The following TTPA variants were observed in gnomAD, a reference collection of about 807,000 sequenced individuals.
The protein encoded by TTPA is alpha tocopherol transfer protein.
In TTPA, 23 loss-of-function variants were observed where a neutral mutation model predicts 25.9. That is an observed-to-expected ratio of 0.89 (90% CI 0.64 to 1.26). TTPA has a LOEUF of 1.26. Among genes scored for constraint, TTPA ranks in the 50% most tolerant of loss-of-function variants. The pLI, the probability that TTPA is intolerant of heterozygous loss-of-function variation, is 0.00. For synonymous variants in TTPA, 148 were observed against 137.3 expected, an observed-to-expected ratio of 1.08 and a Z score of -0.54; for missense variants, 337 against 353.1, an observed-to-expected ratio of 0.95 and a Z score of 0.37.
intron 2 of TTPA, among the ~76,000 whole-genome samples, chr8:63,068,491 T>C (rs1443992759): frequency 6.6e-6 from 1 of 152,160 alleles, no homozygotes; most frequent in Non-Finnish European, 1.5e-5. Context: ...AGAAAGTCAA[T>C]AATGGTTGGT....
chr8:63,062,597 T>C (rs1453503208), intron 4 of TTPA, among the ~76,000 whole-genome samples: 1 of 152,160 alleles, frequency 6.6e-6, no homozygotes, highest in Non-Finnish European at 1.5e-5. Flanking sequence ...AGAAAATGTA[T>C]GGGGCATTGC....
intron 1 of TTPA, among the ~76,000 whole-genome samples, chr8:63,083,378 T>C (rs1805694629): frequency 6.6e-6 from 1 of 151,982 alleles, no homozygotes; most frequent in African/African-American, 2.4e-5. Context: ...TCAGCAACTA[T>C]CACAAAGACA....
chr8:63,058,667 C>T (rs1045608513), downstream of TTPA, among the ~76,000 whole-genome samples: 1 of 152,074 alleles, frequency 6.6e-6, no homozygotes, highest in African/African-American at 2.4e-5. Flanking sequence ...ATAAAATATG[C>T]CTAGATTAAC....
chr8:63,062,571 A>T (rs1805325474), intron 4 of TTPA, among the ~76,000 whole-genome samples: 1 of 152,210 alleles, frequency 6.6e-6, no homozygotes, highest in Non-Finnish European at 1.5e-5. Context: ...CTATCTCCTC[A>T]GGAAGGGGCA....
chr8:63,085,792 C>A, intron 1 of TTPA, 26 bp downstream of exon 1: 1 of 1,531,386 alleles, frequency 6.5e-7, no homozygotes. Flanking sequence ...TGCGCACTGC[C>A]GAGCGCCCTG....
At position 63,072,941 on chromosome 8, in the gene TTPA, T is replaced by C. The variant is rs751549880; in HGVS notation, c.352A>G (p.Arg118Gly). Residue 118 changes from arginine to glycine, a missense_variant, in exon 2 of 5, where the codon AGA becomes GGA. Arg to Gly is a moderately radical substitution (Grantham distance 125, BLOSUM62 -2). Transcript: ENST00000260116. Reference sequence around the variant, plus strand: ...AGAGTTGTGTATGACTTACCGATTCTGTAAATAAGAACTTTGCTGCCAGTG... The same window carrying C: ...AGAGTTGTGTATGACTTACCGATTCCGTAAATAAGAACTTTGCTGCCAGTG... ...DPTGSKVLIY[R>G]IAHWDPKVFT... 3.8e-5 allele frequency: 62 copies of C among 1,613,954 alleles called. No homozygotes were observed. Among genetic ancestry groups the C allele is most frequent in the Non-Finnish European group, 5.2e-5 (61 of 1,180,024 alleles).
rs959336027 is a variant in TTPA at position 63,063,899 on chromosome 8, C to A, written c.663+307G>T. Among the ~76,000 whole-genome samples the A allele has an allele frequency of 3.9e-5, 6 of 152,054 alleles. No individual in the cohort carries two copies. The South Asian group carries it at 6.2e-4, about 16-fold the overall frequency. On this transcript the variant is annotated intron_variant, in intron 4 of 4. Transcript: ENST00000260116. ...TAATTTTGTTTAGGTATAGGTAATT[C>A]AAGACAGTGATTTTGATGTCTTTGC... is the stretch of plus-strand genomic sequence containing the variant.
intron 4 of TTPA, among the ~76,000 whole-genome samples, chr8:63,061,874 TATGGTACAGTCG>T (rs1271930738): frequency 1.8e-4 from 28 of 152,326 alleles, no homozygotes; most frequent in Admixed American, 1.7e-3. Context: ...AAACAATTTA[TATGGTACAGTCG>T]ATGGATACTG....
At chr8:63,065,635 G>A (rs1478779843) in intron 3 of TTPA, among the ~76,000 whole-genome samples, 1 of 151,948 alleles carries the variant, frequency 6.6e-6, no homozygotes, top group East Asian at 1.9e-4. Context: ...AAAAGTTAAT[G>A]ACAAAAAGAT....
intron 1 of TTPA, among the ~76,000 whole-genome samples, chr8:63,077,952 G>A (rs912979113): frequency 6.6e-6 from 1 of 152,202 alleles, no homozygotes; most frequent in African/African-American, 2.4e-5. Context: ...ACTCTGGGAC[G>A]AAGCTTCCAG....
chr8:63,080,316 A>G (rs1249131738), intron 1 of TTPA, among the ~76,000 whole-genome samples: 3 of 152,230 alleles, frequency 2.0e-5, no homozygotes, highest in Non-Finnish European at 4.4e-5. Flanking sequence ...GAAACAACTA[A>G]GATCACAGCA....
At chr8:63,071,122 A>C (rs1805476597) in intron 2 of TTPA, among the ~76,000 whole-genome samples, 1 of 152,144 alleles carries the variant, frequency 6.6e-6, no homozygotes, top group South Asian at 2.1e-4. Context: ...AGCTCATTCA[A>C]TTTCCTCTGA....
intron 1 of TTPA, among the ~76,000 whole-genome samples, chr8:63,075,172 T>G (rs1183944930): frequency 1.3e-5 from 2 of 152,188 alleles, no homozygotes; most frequent in East Asian, 3.8e-4. Context: ...AACAAAGAAG[T>G]GGCTAAAAAT....
At chr8:63,079,735 C>T (rs1254358195) in intron 1 of TTPA, among the ~76,000 whole-genome samples, 1 of 152,028 alleles carries the variant, frequency 6.6e-6, no homozygotes, top group Admixed American at 6.6e-5. Flanking sequence ...ACTTTAACAC[C>T]CCACTGTCAA....
Position 63,085,937 on chromosome 8 carries a change from C to A in TTPA, c.85G>T (p.Ala29Ser), listed in dbSNP as rs1433931246. The A allele has an allele frequency of 6.6e-7, 1 of 1,520,088 alleles. No homozygotes were observed. The highest frequency in any genetic ancestry group is 2.5e-5 in the East Asian group (1 of 39,316). 94.2% of individuals were successfully genotyped at this position (1,520,088 alleles called of 1,614,324 possible). A position where few individuals can be genotyped will look rare whatever the true frequency, so the allele number is the denominator to read the frequency against. The change falls in exon 1 of 5, where the codon GCG (alanine) becomes TCG (serine). Residue 29 changes from alanine (A) to serine (S), a missense_variant. Physicochemically the swap from Ala to Ser is moderately conservative, Grantham distance 99. Coordinates refer to ENST00000260116, the MANE Select transcript of TTPA (RefSeq NM_000370.3). ...TCCCGGGCCCGGCGCCGCAGCGCCGCCAGGCCCGGCTGCAGCAACGGAGAG... is the reference window on the plus strand; with the variant it reads ...TCCCGGGCCCGGCGCCGCAGCGCCGACAGGCCCGGCTGCAGCAACGGAGAG... Reference protein sequence around the residue: ...DHSPLLQPGLAALRRRAREAG... With the variant: ...DHSPLLQPGLSALRRRAREAG...
chr8:63,071,269 A>C (rs541433563), intron 2 of TTPA, among the ~76,000 whole-genome samples: 2 of 152,226 alleles, frequency 1.3e-5, no homozygotes, highest in Non-Finnish European at 2.9e-5. Context: ...ATTTTACTCG[A>C]TCTTCCAATA....
intron 1 of TTPA, among the ~76,000 whole-genome samples, chr8:63,081,254 C>T (rs1329920737): frequency 6.6e-6 from 1 of 152,086 alleles, no homozygotes; most frequent in East Asian, 1.9e-4. Flanking sequence ...AAAATACTGG[C>T]AAACCGAATC....
chr8:63,077,874 C>T (rs867598336), intron 1 of TTPA, among the ~76,000 whole-genome samples: 45 of 152,186 alleles, frequency 3.0e-4, no homozygotes, highest in African/African-American at 1.1e-3. Context: ...GGTCCTTGAC[C>T]CCCATATAGC....
downstream of TTPA, among the ~76,000 whole-genome samples, chr8:63,059,020 G>GTTTTTTTTTTTTGTT (rs1805248010): frequency 1.5e-5 from 1 of 67,144 alleles, no homozygotes; most frequent in African/African-American, 6.0e-5. Flanking sequence ...GCAGGGTCCA[G>GTTTTTTTTTTTTGTT]TTTTTTTTTT....
Sources: gnomAD v4.1 joint callset for allele counts (sites outside exome capture counted in the v4.1 genomes callset) on GRCh38, gnomAD v4.1.1 for gene constraint, MANE v1.5 for transcripts, NCBI Gene and HGNC (gene_info 2026-07-23, HGNC 2026-07-21) for gene names.